MED13L: variants seen among roughly 807,000 people sequenced by gnomAD.
MED13L encodes mediator complex subunit 13L, also known as mediator of RNA polymerase II transcription subunit 13-like.
A neutral mutation model predicts 220.9 loss-of-function variants in MED13L; 7 were observed. The observed-to-expected ratio is 0.03, with a 90% CI of 0.02 to 0.06. MED13L has a LOEUF of 0.06. Ranked by LOEUF, MED13L falls within the 10% of genes least tolerant of loss-of-function variation. The pLI is 1.00. For synonymous variants in MED13L, 1,011 were observed against 1,015.2 expected (o/e 1.00, Z 0.08); for missense variants, 1,965 against 2,760.5 (o/e 0.71, Z 6.46).
chr12:116,223,623 GAAC>G (rs1868659784), intron 2 of MED13L, among the ~76,000 whole-genome samples: 1 of 152,142 alleles, frequency 6.6e-6, no homozygotes, highest in African/African-American at 2.4e-5. Context: ...AGAATCACCT[GAAC>G]CCGGGAGGTG....
intron 4 of MED13L, among the ~76,000 whole-genome samples, chr12:116,061,407 G>A (rs1447045838): frequency 6.6e-6 from 1 of 151,872 alleles, no homozygotes; most frequent in African/African-American, 2.4e-5. Context: ...TATACAATTA[G>A]GCAGAACTGA....
At chr12:116,019,196 C>A in intron 7 of MED13L, 28 bp downstream of exon 7, 1 of 1,604,722 alleles carries the variant, frequency 6.2e-7, no homozygotes, top group Non-Finnish European at 8.5e-7. Context: ...GATCTCTTCT[C>A]CCCAGGACAC....
At chr12:116,129,901 T>A in intron 2 of MED13L, among the ~76,000 whole-genome samples, 1 of 139,236 alleles carries the variant, frequency 7.2e-6, no homozygotes, top group African/African-American at 2.7e-5. Flanking sequence ...AGAGTGAGAC[T>A]CAGTCTCAAA....
At chr12:116,035,341 CAAT>C (rs72217985) in intron 4 of MED13L, among the ~76,000 whole-genome samples, 21,633 of 151,874 alleles carry the variant, frequency 0.14, 2,700 homozygotes, top group East Asian at 0.38. Flanking sequence ...CTAAAAACAA[CAAT>C]AATAAATCCC....
chr12:116,249,969 T>A (rs1349825584), intron 1 of MED13L, among the ~76,000 whole-genome samples: 4 of 127,262 alleles, frequency 3.1e-5, no homozygotes, highest in African/African-American at 1.2e-4. Flanking sequence ...CCAAGTTTCA[T>A]GAAATCAATA....
At chr12:116,185,234 A>C (rs773143901) in intron 2 of MED13L, among the ~76,000 whole-genome samples, 3 of 152,208 alleles carry the variant, frequency 2.0e-5, no homozygotes, top group Non-Finnish European at 2.9e-5. Flanking sequence ...AGAAAGCAAT[A>C]TTATTGGATA....
At chr12:116,264,213 G>A (rs1464418715) in intron 1 of MED13L, among the ~76,000 whole-genome samples, 1 of 152,108 alleles carries the variant, frequency 6.6e-6, no homozygotes, top group South Asian at 2.1e-4. Context: ...CAACTAAACT[G>A]TCTCTAAAAG....
chr12:116,241,630 G>A (rs1870665561), intron 1 of MED13L, among the ~76,000 whole-genome samples: 1 of 152,178 alleles, frequency 6.6e-6, no homozygotes, highest in East Asian at 1.9e-4. Flanking sequence ...AAGGGAAGCT[G>A]CTACCACCTA....
intron 1 of MED13L, among the ~76,000 whole-genome samples, chr12:116,239,365 G>T (rs1870399327): frequency 6.6e-6 from 1 of 152,076 alleles, no homozygotes; most frequent in Non-Finnish European, 1.5e-5. Context: ...AAAAAGTTCA[G>T]AAGTAATACA....
intron 2 of MED13L, chr12:116,169,005 TTC>T (rs1470533387): frequency 1.3e-5 from 2 of 152,190 alleles, no homozygotes; most frequent in Non-Finnish European, 2.9e-5. Flanking sequence ...AGGCCACAAA[TTC>T]TGTTTCAAGA....
rs1279620861 is a variant in MED13L, at chr12:115,982,729, T to C, written c.4956-126A>G. On this transcript the variant is annotated intron_variant, in intron 21 of 30. Coordinates refer to ENST00000281928, the MANE Select transcript of MED13L (RefSeq NM_015335.5). ...AATGTTTACAGATTAAAGGTAAGAG[T>C]AACATTTATCACCTTACCAAAATAC... is the stretch of plus-strand genomic sequence containing the variant. The C allele has an allele frequency of 9.7e-6, 9 of 931,142 alleles. No homozygotes were observed. The South Asian group carries it at 1.1e-4, about 12-fold the overall frequency. 57.7% of individuals were successfully genotyped at this position (931,142 alleles called of 1,614,324 possible). A position where few individuals can be genotyped will look rare whatever the true frequency, so the allele number is the denominator to read the frequency against.
chr12:116,032,280 C>G (rs925027324), intron 4 of MED13L, among the ~76,000 whole-genome samples: 3 of 152,040 alleles, frequency 2.0e-5, no homozygotes, highest in African/African-American at 7.2e-5. Context: ...ATATAGAACA[C>G]AGAGTCAAGA....
chr12:116,233,090 G>GAAAAA (rs530903194), intron 2 of MED13L, among the ~76,000 whole-genome samples: 2 of 82,944 alleles, frequency 2.4e-5, no homozygotes, highest in Admixed American at 1.4e-4. Context: ...CTGTCTAAAG[G>GAAAAA]AAAAAAAAAA....
At chr12:116,110,055 T>C (rs1361672850) in intron 3 of MED13L, 3 of 152,200 alleles carry the variant, frequency 2.0e-5, no homozygotes, top group African/African-American at 7.2e-5. Context: ...AAGTACTACA[T>C]ACAGACTCAG....
chr12:115,985,655 AT>A (rs1269843884), intron 19 of MED13L, among the ~76,000 whole-genome samples: 1 of 151,964 alleles, frequency 6.6e-6, no homozygotes, highest in Non-Finnish European at 1.5e-5. Flanking sequence ...ACATGATTCT[AT>A]TTTTTTTAAA....
At chr12:116,045,058 G>A (rs1881752592) in intron 4 of MED13L, among the ~76,000 whole-genome samples, 1 of 152,176 alleles carries the variant, frequency 6.6e-6, no homozygotes, top group Non-Finnish European at 1.5e-5. Flanking sequence ...GGAGTTAAAT[G>A]CAAGGAAAAG....
At chr12:116,176,688 GA>G (rs1277802568) in intron 2 of MED13L, among the ~76,000 whole-genome samples, 1 of 151,802 alleles carries the variant, frequency 6.6e-6, no homozygotes, top group African/African-American at 2.4e-5. Flanking sequence ...CAAAGGCAAA[GA>G]AAAAAATTCA....
chr12:116,026,139 C>T (rs988022967), intron 4 of MED13L, among the ~76,000 whole-genome samples: 1 of 151,710 alleles, frequency 6.6e-6, no homozygotes, highest in Non-Finnish European at 1.5e-5. Flanking sequence ...GGAAAGGAGT[C>T]AAAAAAAGGA....
chr12:116,141,744 A>G (rs1877094429), intron 2 of MED13L, among the ~76,000 whole-genome samples: 1 of 152,084 alleles, frequency 6.6e-6, no homozygotes, highest in South Asian at 2.1e-4. Flanking sequence ...GGCTCTCCCC[A>G]ACCCAGTGTC....
Sources: gnomAD v4.1 joint callset for allele counts (sites outside exome capture counted in the v4.1 genomes callset) on GRCh38, gnomAD v4.1.1 for gene constraint, MANE v1.5 for transcripts, NCBI Gene and HGNC (gene_info 2026-07-23, HGNC 2026-07-21) for gene names.